The following CNTNAP2 variants were observed in gnomAD, a reference collection of about 807,000 sequenced individuals.
CNTNAP2 encodes contactin associated protein 2, also known as contactin-associated protein-like 2.
A neutral mutation model predicts 155.2 loss-of-function variants in CNTNAP2; 98 were observed. The ratio of observed to expected loss-of-function variants is 0.63; its 90% CI spans 0.54 to 0.75. The LOEUF (loss-of-function observed/expected upper bound fraction) is 0.75, where lower values mean the gene tolerates loss of function less well. CNTNAP2 is among the 30% of genes least tolerant of loss of function. CNTNAP2 has a pLI of 0.00. For synonymous variants in CNTNAP2, 651 were observed against 631.2 expected (o/e 1.03, Z -0.47); for missense variants, 1,727 against 1,688.1 (o/e 1.02, Z -0.40).
chr7:146,174,258 G>A (rs114300139), intron 1 of CNTNAP2, among the ~76,000 whole-genome samples: 3,135 of 151,066 alleles, frequency 0.021, 95 homozygotes, highest in African/African-American at 0.066. Flanking sequence ...ACAGAATACC[G>A]AATACCCATA....
chr7:148,247,799 G>A (rs1157648694), intron 20 of CNTNAP2, among the ~76,000 whole-genome samples: 1 of 150,934 alleles, frequency 6.6e-6, no homozygotes, highest in Non-Finnish European at 1.5e-5. Flanking sequence ...AATTACAGGT[G>A]TGTGCCACCA....
At chr7:147,735,933 G>T (rs967108413) in intron 13 of CNTNAP2, among the ~76,000 whole-genome samples, 2 of 150,376 alleles carry the variant, frequency 1.3e-5, no homozygotes, top group African/African-American at 4.9e-5. Flanking sequence ...CATGAGATGG[G>T]TTTCCTGAAT....
intron 16 of CNTNAP2, among the ~76,000 whole-genome samples, chr7:148,125,492 T>C (rs534747150): frequency 2.0e-4 from 30 of 152,150 alleles, no homozygotes; most frequent in African/African-American, 7.0e-4. Flanking sequence ...CAATATTTGG[T>C]TTTCTGTTCC....
intron 13 of CNTNAP2, among the ~76,000 whole-genome samples, chr7:147,762,024 C>A (rs371178560): frequency 1.3e-5 from 2 of 152,118 alleles, no homozygotes; most frequent in Non-Finnish European, 2.9e-5. Flanking sequence ...CAGGGAGCTA[C>A]GATGAAGACA....
At chr7:147,304,933 C>T (rs1794999984) in intron 9 of CNTNAP2, among the ~76,000 whole-genome samples, 1 of 152,042 alleles carries the variant, frequency 6.6e-6, no homozygotes, top group African/African-American at 2.4e-5. Context: ...TGCAGACAAC[C>T]ATTTTGTTAT....
intron 18 of CNTNAP2, among the ~76,000 whole-genome samples, chr7:148,193,518 C>T (rs1169767522): frequency 6.6e-6 from 1 of 152,068 alleles, no homozygotes; most frequent in Admixed American, 6.5e-5. Context: ...ACCACAAGGG[C>T]AAGTGTGCCT....
intron 1 of CNTNAP2, among the ~76,000 whole-genome samples, chr7:146,333,283 G>A (rs1801216272): frequency 6.6e-6 from 1 of 152,062 alleles, no homozygotes; most frequent in African/African-American, 2.4e-5. Flanking sequence ...ACATCAACCT[G>A]AAACTGCTTT....
chr7:147,550,770 C>A (rs851816), intron 11 of CNTNAP2, among the ~76,000 whole-genome samples: 68,457 of 151,948 alleles, frequency 0.45, 15,583 homozygotes, highest in East Asian at 0.6. Flanking sequence ...CCCAAATAAC[C>A]ACAACAGATA....
intron 1 of CNTNAP2, among the ~76,000 whole-genome samples, chr7:146,580,344 G>C (rs1219663586): frequency 6.6e-6 from 1 of 151,826 alleles, no homozygotes; most frequent in Non-Finnish European, 1.5e-5. Context: ...AGTGAAAGTA[G>C]GGCAGTGACC....
chr7:148,299,286 G>A (rs752932605), intron 21 of CNTNAP2, among the ~76,000 whole-genome samples: 4 of 152,214 alleles, frequency 2.6e-5, no homozygotes, highest in East Asian at 1.9e-4. Context: ...CACCACACCC[G>A]GCCCCAACTT....
chr7:146,346,959 C>A (rs1255947942), intron 1 of CNTNAP2, among the ~76,000 whole-genome samples: 1 of 149,690 alleles, frequency 6.7e-6, no homozygotes, highest in East Asian at 2.0e-4. Flanking sequence ...TTTTTTGGAG[C>A]CCCCTTCTGG....
chr7:148,264,833 T>C (rs575390847), intron 20 of CNTNAP2, among the ~76,000 whole-genome samples: 119 of 152,310 alleles, frequency 7.8e-4, no homozygotes, highest in African/African-American at 2.8e-3. Flanking sequence ...TAGCTGGGAC[T>C]ATAGGGGAGT....
intron 3 of CNTNAP2, among the ~76,000 whole-genome samples, chr7:147,032,058 A>G (rs1199332150): frequency 6.6e-6 from 1 of 152,202 alleles, no homozygotes; most frequent in Non-Finnish European, 1.5e-5. Context: ...CTATATCTTG[A>G]TAGGGAGTGA....
chr7:148,075,337 T>C (rs2116536793), intron 15 of CNTNAP2, among the ~76,000 whole-genome samples: 1 of 152,146 alleles, frequency 6.6e-6, no homozygotes, highest in South Asian at 2.1e-4. Flanking sequence ...CTCAGATGGC[T>C]GAGGCAAGAG....
intron 2 of CNTNAP2, 56 bp downstream of exon 2, chr7:146,774,437 AT>A: frequency 8.8e-7 from 1 of 1,141,990 alleles, no homozygotes; most frequent in Non-Finnish European, 1.3e-6. Context: ...AACATGTTAT[AT>A]TTATAGCCAT....
intron 8 of CNTNAP2, among the ~76,000 whole-genome samples, chr7:147,204,678 T>A (rs1462569011): frequency 6.6e-6 from 1 of 152,150 alleles, no homozygotes; most frequent in Admixed American, 6.6e-5. Flanking sequence ...ATGTAATGTA[T>A]CAATATTGCT....
intron 14 of CNTNAP2, among the ~76,000 whole-genome samples, chr7:147,947,587 C>T (rs1554453254): frequency 6.6e-6 from 1 of 151,830 alleles, no homozygotes; most frequent in Non-Finnish European, 1.5e-5. Context: ...GCTATGATCG[C>T]TCAACTGCAC....
At chr7:148,400,393 T>C (rs1343637422) in intron 22 of CNTNAP2, among the ~76,000 whole-genome samples, 1 of 152,148 alleles carries the variant, frequency 6.6e-6, no homozygotes, top group Non-Finnish European at 1.5e-5. Context: ...CTTCTTGCAC[T>C]CCTGTTAACA....
intron 21 of CNTNAP2, among the ~76,000 whole-genome samples, chr7:148,302,813 CTTTTTTTTTTTT>C (rs59354674): frequency 2.3e-5 from 2 of 86,938 alleles, no homozygotes; most frequent in African/African-American, 9.2e-5. Context: ...CTCGATTATT[CTTTTTTTTTTTT>C]TTTTTTTTTT....
Sources: allele counts gnomAD v4.1 joint callset (sites outside exome capture counted in the v4.1 genomes callset), GRCh38; gene constraint gnomAD v4.1.1; transcripts MANE v1.5; gene names NCBI Gene and HGNC (gene_info 2026-07-23, HGNC 2026-07-21).